The following CLIP1 variants were observed in gnomAD, a reference collection of about 807,000 sequenced individuals.
The protein encoded by CLIP1 is CAP-Gly domain containing linker protein 1.
CLIP1 carries 66 observed loss-of-function variants against 161.6 expected under a neutral mutation model. The ratio of observed to expected loss-of-function variants is 0.41; its 90% CI spans 0.33 to 0.50. CLIP1 has a LOEUF of 0.50. Among genes scored for constraint, CLIP1 ranks in the 20% least tolerant of loss-of-function variants. CLIP1 has a pLI of 0.27. For missense variants in CLIP1, 1,376 were observed against 1,702.0 expected, an observed-to-expected ratio of 0.81 and a Z score of 3.37; for synonymous variants, 598 against 626.2, an observed-to-expected ratio of 0.96 and a Z score of 0.67.
In CLIP1 at chr12:122,377,827, A is replaced by G. The variant is rs1954817458; in HGVS notation, c.219T>C (p.Phe73=). 6.2e-7 allele frequency: 1 copy of G among 1,614,034 alleles called. No homozygotes were observed. Among genetic ancestry groups the G allele is most frequent in the Non-Finnish European group, 8.5e-7 (1 of 1,180,012 alleles). Residue 73 remains phenylalanine, a synonymous_variant, in exon 3 of 26, where the codon TTT becomes TTC. Coordinates refer to ENST00000620786, the MANE Select transcript of CLIP1 (RefSeq NM_001247997.2). The part of the protein sequence containing the change: ...RVWVNGNKPG[F]IQFLGETQFA... ...ACTGGGTTTCTCCAAGAAACTGGAT[A>G]AATCCAGGCTTATTTCCATTCACCC...
chr12:122,286,511 A>G (rs1955858130), intron 21 of CLIP1, among the ~76,000 whole-genome samples: 1 of 119,850 alleles, frequency 8.3e-6, no homozygotes, highest in Non-Finnish European at 1.7e-5. Context: ...ATAGAGCAAG[A>G]CTCTGTCTTA....
At chr12:122,371,018 A>G (rs7294383) in intron 3 of CLIP1, among the ~76,000 whole-genome samples, 11,648 of 151,926 alleles carry the variant, frequency 0.077, 1,460 homozygotes, top group African/African-American at 0.27. Flanking sequence ...GATAAAATGC[A>G]GAATATTTAT....
chr12:122,385,699 C>T (rs1032279011), intron 1 of CLIP1, among the ~76,000 whole-genome samples: 2 of 151,976 alleles, frequency 1.3e-5, no homozygotes, highest in Admixed American at 6.6e-5. Context: ...CAGTGGATGT[C>T]GGCTGCAGGA....
chr12:122,387,575 TA>T (rs1955363515), intron 1 of CLIP1, among the ~76,000 whole-genome samples: 4 of 4,118 alleles, frequency 9.7e-4, no homozygotes, highest in East Asian at 3.8e-3. Flanking sequence ...TATATATATA[TA>T]TATATATATA....
chr12:122,313,899 G>C (rs986823758), intron 19 of CLIP1, among the ~76,000 whole-genome samples: 4 of 151,808 alleles, frequency 2.6e-5, no homozygotes, highest in Non-Finnish European at 5.9e-5. Context: ...GCTCCCGCCT[G>C]TAATCCCAGC....
At position 122,381,077 on chromosome 12, in the gene CLIP1, GACAA is replaced by G. The variant is rs148335002; in HGVS notation, c.-106-523_-106-520del. ...CACAAAAACAAAAATAAGCAATTAA[GACAA>G]ACAAAGTGTTTGCTTTGTTTTATAT... is the stretch of plus-strand genomic sequence containing the variant. On this transcript the variant is annotated intron_variant, in intron 1 of 25. Transcript: ENST00000620786. Among the ~76,000 whole-genome samples the G allele has an allele frequency of 3.4e-3, 522 of 152,038 alleles. 2 individuals are homozygous for G. The highest frequency in any genetic ancestry group is 0.032 in the East Asian group (166 of 5,176).
At chr12:122,306,207 C>G (rs1446135776) in intron 20 of CLIP1, among the ~76,000 whole-genome samples, 1 of 152,018 alleles carries the variant, frequency 6.6e-6, no homozygotes, top group Non-Finnish European at 1.5e-5. Flanking sequence ...CCTTGGTCCT[C>G]AGCTTGCAGA....
chr12:122,416,265 G>C (rs1247761299), intron 1 of CLIP1, among the ~76,000 whole-genome samples: 1 of 152,040 alleles, frequency 6.6e-6, no homozygotes, highest in African/African-American at 2.4e-5. Flanking sequence ...ATAGAAATAG[G>C]AAAGTATACA....
chr12:122,388,589 G>C (rs1331086990), intron 1 of CLIP1, among the ~76,000 whole-genome samples: 2 of 152,128 alleles, frequency 1.3e-5, no homozygotes, highest in African/African-American at 2.4e-5. Context: ...TTGTTTCAGA[G>C]ACAAGGTCTT....
intron 24 of CLIP1, chr12:122,275,644 GCA>G (rs71082958): frequency 0.065 from 9,542 of 147,502 alleles, 636 homozygotes; most frequent in African/African-American, 0.17. Context: ...ACACACACGC[GCA>G]CACACACACA....
upstream of CLIP1, chr12:122,422,719 CGCCCGGCCGGCCCGGCCG>C (rs1225428554): frequency 6.0e-5 from 6 of 99,420 alleles, no homozygotes; most frequent in Admixed American, 1.0e-4. Context: ...CCGCCGCGCC[CGCCCGGCCGGCCCGGCCG>C]GCCCGGCCCC....
intron 5 of CLIP1, among the ~76,000 whole-genome samples, chr12:122,358,231 T>C (rs1953588778): frequency 6.6e-6 from 1 of 151,482 alleles, no homozygotes; most frequent in Admixed American, 6.6e-5. Flanking sequence ...AAACAGATGC[T>C]TGAAGGCAGC....
intron 1 of CLIP1, among the ~76,000 whole-genome samples, chr12:122,419,396 A>AC (rs1956858467): frequency 6.6e-6 from 1 of 151,962 alleles, no homozygotes. Flanking sequence ...TTAAAAAAAA[A>AC]TAAGAAACGT....
chr12:122,349,418 C>T (rs1289267973), intron 9 of CLIP1, among the ~76,000 whole-genome samples: 2 of 152,230 alleles, frequency 1.3e-5, no homozygotes, highest in Non-Finnish European at 2.9e-5. Flanking sequence ...GCCTCAGCCT[C>T]CGTAGTAGCT....
At chr12:122,393,169 T>G (rs1235871094) in intron 1 of CLIP1, among the ~76,000 whole-genome samples, 1 of 150,926 alleles carries the variant, frequency 6.6e-6, no homozygotes, top group African/African-American at 2.4e-5. Flanking sequence ...CAATCTTGTT[T>G]TTTTTTTTTT....
chr12:122,422,804 T>A (rs1260258614), upstream of CLIP1, among the ~76,000 whole-genome samples: 1 of 142,768 alleles, frequency 7.0e-6, no homozygotes, highest in East Asian at 2.2e-4. Context: ...CCGCCGCCTC[T>A]TTGTCTGCGC....
At chr12:122,404,674 A>C (rs1219778064) in intron 1 of CLIP1, among the ~76,000 whole-genome samples, 3 of 87,166 alleles carry the variant, frequency 3.4e-5, no homozygotes, top group Admixed American at 3.3e-4. Context: ...AGGCAGGTGG[A>C]TCACGAGGTC....
At chr12:122,318,241 T>A (rs1951344231) in intron 18 of CLIP1, among the ~76,000 whole-genome samples, 2 of 152,122 alleles carry the variant, frequency 1.3e-5, no homozygotes, top group African/African-American at 4.8e-5. Flanking sequence ...CTATTACTTT[T>A]AAAAGTATCT....
At chr12:122,402,122 G>C (rs1020107809) in intron 1 of CLIP1, among the ~76,000 whole-genome samples, 1 of 152,190 alleles carries the variant, frequency 6.6e-6, no homozygotes, top group African/African-American at 2.4e-5. Flanking sequence ...GAATTTTCTA[G>C]TATCCATATT....
Sources: allele counts gnomAD v4.1 joint callset (sites outside exome capture counted in the v4.1 genomes callset), GRCh38; gene constraint gnomAD v4.1.1; transcripts MANE v1.5; gene names NCBI Gene and HGNC (gene_info 2026-07-23, HGNC 2026-07-21).